ELMO1: variants seen among roughly 807,000 people sequenced by gnomAD.
ELMO1 encodes engulfment and cell motility protein 1.
Under a neutral mutation model 98.9 loss-of-function variants are expected in ELMO1, and 26 were observed. The ratio of observed to expected loss-of-function variants is 0.26; its 90% CI spans 0.19 to 0.36. ELMO1 has a LOEUF of 0.36. Ranked by LOEUF, ELMO1 falls within the 10% of genes least tolerant of loss-of-function variation. The probability of loss-of-function intolerance (pLI) is 1.00; values close to 1 mark genes in which losing one functional copy is unlikely to be tolerated. For missense variants in ELMO1, 627 were observed against 935.2 expected (o/e 0.67, Z 4.30); for synonymous variants, 346 against 346.0 (o/e 1.00, Z 0.00).
At chr7:37,024,695 G>T (rs1317882225) in intron 15 of ELMO1, among the ~76,000 whole-genome samples, 1 of 152,180 alleles carries the variant, frequency 6.6e-6, no homozygotes, top group African/African-American at 2.4e-5. Context: ...TTGTAGAATT[G>T]ACTGAAGATA....
chr7:37,301,893 T>G (rs1175466212), intron 4 of ELMO1, among the ~76,000 whole-genome samples: 2 of 152,222 alleles, frequency 1.3e-5, no homozygotes, highest in Non-Finnish European at 2.9e-5. Flanking sequence ...TGCTGCTCTA[T>G]GTTTGTATGA....
chr7:37,312,185 C>G (rs907202951), intron 4 of ELMO1, among the ~76,000 whole-genome samples: 2 of 152,192 alleles, frequency 1.3e-5, no homozygotes, highest in African/African-American at 4.8e-5. Context: ...CTCCACATCC[C>G]AGGTTCAAGT....
chr7:37,355,545 A>G (rs2131311045), intron 1 of ELMO1, among the ~76,000 whole-genome samples: 1 of 152,350 alleles, frequency 6.6e-6, no homozygotes, highest in African/African-American at 2.4e-5. Context: ...TGAAGTTTTG[A>G]GGGCATAGAA....
intron 4 of ELMO1, among the ~76,000 whole-genome samples, chr7:37,279,474 C>T (rs1797027352): frequency 6.6e-6 from 1 of 152,192 alleles, no homozygotes; most frequent in African/African-American, 2.4e-5. Context: ...AGCAGACTGG[C>T]TCCTGCAATA....
intron 6 of ELMO1, among the ~76,000 whole-genome samples, chr7:37,257,511 T>G (rs1350386718): frequency 6.6e-6 from 1 of 150,574 alleles, no homozygotes; most frequent in Non-Finnish European, 1.5e-5. Flanking sequence ...GATCACGAGG[T>G]CAAGAGATCG....
intron 1 of ELMO1, among the ~76,000 whole-genome samples, chr7:37,381,495 C>A (rs1355832022): frequency 1.3e-5 from 2 of 152,138 alleles, no homozygotes; most frequent in Non-Finnish European, 2.9e-5. Context: ...AAGAGTGAAA[C>A]CACTGGGAAC....
rs563199892 is a variant in ELMO1, at chr7:37,281,024, T to C, written c.193-9142A>G. The stretch of plus-strand genomic sequence containing the variant: ...AAATATATATATAAATATATATATA[T>C]ACACACACATATGATGGAATACTAC... On this transcript the variant is annotated intron_variant, in intron 4 of 21. Transcript: ENST00000310758. Among the ~76,000 whole-genome samples, 48 of 150,106 alleles carry C rather than the reference T, an allele frequency of 3.2e-4. 2 individuals are homozygous for C. The East Asian group carries it at 4.3e-3, about 13-fold the overall frequency.
At chr7:37,250,421 G>A (rs537158675) in intron 6 of ELMO1, among the ~76,000 whole-genome samples, 33 of 152,140 alleles carry the variant, frequency 2.2e-4, no homozygotes, top group East Asian at 7.7e-4. Flanking sequence ...AAAAATAGTC[G>A]TCTGTGGAAA....
chr7:37,375,706 T>C, intron 1 of ELMO1: 1 of 1,265,060 alleles, frequency 7.9e-7, no homozygotes, highest in Non-Finnish European at 1.2e-6. Flanking sequence ...GAAGGAACAG[T>C]TTGCCTGGAG....
At chr7:37,253,546 G>A (rs905055468) in intron 6 of ELMO1, among the ~76,000 whole-genome samples, 3 of 152,060 alleles carry the variant, frequency 2.0e-5, no homozygotes, top group African/African-American at 7.2e-5. Flanking sequence ...ATAGACACAG[G>A]GCGGGGAACA....
chr7:37,443,986 C>T (rs1805514048), intron 1 of ELMO1, among the ~76,000 whole-genome samples: 1 of 152,170 alleles, frequency 6.6e-6, no homozygotes, highest in Non-Finnish European at 1.5e-5. Context: ...CTCACTGCAG[C>T]CTCAGACTCC....
chr7:36,904,682 A>C (rs1417901615), intron 16 of ELMO1, among the ~76,000 whole-genome samples: 1 of 152,234 alleles, frequency 6.6e-6, no homozygotes, highest in Non-Finnish European at 1.5e-5. Flanking sequence ...CTTAAACTCA[A>C]TTAGTGCTCA....
intron 4 of ELMO1, 52 bp from the exon 5 acceptor site, chr7:37,271,934 G>C: frequency 6.5e-7 from 1 of 1,540,570 alleles, no homozygotes. Flanking sequence ...GCTTGGTAAA[G>C]AAGAGAACAA....
At chr7:37,387,707 G>T (rs1802867463) in intron 1 of ELMO1, among the ~76,000 whole-genome samples, 1 of 152,214 alleles carries the variant, frequency 6.6e-6, no homozygotes, top group Non-Finnish European at 1.5e-5. Flanking sequence ...CCAGATGTCT[G>T]TTCCACTCGC....
At chr7:37,355,218 C>A (rs1161120687) in intron 1 of ELMO1, among the ~76,000 whole-genome samples, 3 of 152,210 alleles carry the variant, frequency 2.0e-5, no homozygotes, top group Non-Finnish European at 2.9e-5. Flanking sequence ...ACAAATTACA[C>A]AACATGTGAC....
chr7:37,101,256 C>T (rs1271162958), intron 14 of ELMO1, among the ~76,000 whole-genome samples: 1 of 152,066 alleles, frequency 6.6e-6, no homozygotes, highest in Non-Finnish European at 1.5e-5. Context: ...ATAAAAAGTC[C>T]CATGTGCTGC....
At chr7:37,416,803 T>C (rs1200237477) in intron 1 of ELMO1, among the ~76,000 whole-genome samples, 2 of 152,206 alleles carry the variant, frequency 1.3e-5, no homozygotes, top group East Asian at 3.8e-4. Context: ...AAGCAAATAC[T>C]TGGAGCAAAA....
intron 13 of ELMO1, among the ~76,000 whole-genome samples, chr7:37,153,191 G>A (rs1788481149): frequency 6.6e-6 from 1 of 152,170 alleles, no homozygotes; most frequent in African/African-American, 2.4e-5. Flanking sequence ...AATAGAAACA[G>A]CTCCGGTCTA....
intron 16 of ELMO1, among the ~76,000 whole-genome samples, chr7:36,922,961 G>A (rs1390581651): frequency 6.6e-6 from 1 of 152,140 alleles, no homozygotes; most frequent in Non-Finnish European, 1.5e-5. Flanking sequence ...TGGAGGATGG[G>A]CACACCACTG....
Sources: gnomAD v4.1 joint callset for allele counts (sites outside exome capture counted in the v4.1 genomes callset) on GRCh38, gnomAD v4.1.1 for gene constraint, MANE v1.5 for transcripts, NCBI Gene and HGNC (gene_info 2026-07-23, HGNC 2026-07-21) for gene names.